The following BCL7C variants were observed in gnomAD, a reference collection of about 807,000 sequenced individuals.
The protein encoded by BCL7C is B-cell CLL/lymphoma 7 protein family member C.
BCL7C carries 8 observed loss-of-function variants against 26.2 expected under a neutral mutation model. That is an observed-to-expected ratio of 0.30 (90% CI 0.18 to 0.55). The LOEUF (loss-of-function observed/expected upper bound fraction) is 0.55. Ranked by LOEUF, BCL7C falls within the 20% of genes least tolerant of loss-of-function variation. The probability of loss-of-function intolerance (pLI) is 0.93; values close to 1 mark genes in which losing one functional copy is unlikely to be tolerated. For missense variants in BCL7C, 262 were observed against 298.5 expected, an observed-to-expected ratio of 0.88 and a Z score of 0.90; for synonymous variants, 90 against 116.5, an observed-to-expected ratio of 0.77 and a Z score of 1.47.
intron 5 of BCL7C, among the ~76,000 whole-genome samples, chr16:30,864,903 C>T (rs1425778751): frequency 7.2e-6 from 1 of 138,664 alleles, no homozygotes; most frequent in African/African-American, 2.7e-5. Context: ...TAAGAAGGTA[C>T]TTTGTCTGTA....
At chr16:30,864,992 C>T (rs1192192397) in intron 5 of BCL7C, among the ~76,000 whole-genome samples, 1 of 151,618 alleles carries the variant, frequency 6.6e-6, no homozygotes, top group East Asian at 1.9e-4. Context: ...CACGGTGAAA[C>T]CCCATCTCTA....
At chr16:30,887,563 G>T (rs1567323151), downstream of BCL7C, among the ~76,000 whole-genome samples, 1 of 151,766 alleles carries the variant, frequency 6.6e-6, no homozygotes, top group African/African-American at 2.4e-5. Context: ...TGAGCAGGAA[G>T]AGGGGTCCTG....
At chr16:30,880,221 C>T (rs2055021805) in intron 5 of BCL7C, among the ~76,000 whole-genome samples, 1 of 151,988 alleles carries the variant, frequency 6.6e-6, no homozygotes, top group Non-Finnish European at 1.5e-5. Flanking sequence ...GCATGGCTCA[C>T]ACCTGTAATC....
chr16:30,856,307 G>A (rs1425096863), intron 5 of BCL7C, among the ~76,000 whole-genome samples: 1 of 151,246 alleles, frequency 6.6e-6, no homozygotes, highest in Non-Finnish European at 1.5e-5. Context: ...TGAGCATGGT[G>A]GCGGGCACCT....
At chr16:30,883,869 T>C (rs965742106), downstream of BCL7C, among the ~76,000 whole-genome samples, 1 of 143,214 alleles carries the variant, frequency 7.0e-6, no homozygotes, top group Non-Finnish European at 1.5e-5. Flanking sequence ...CTCAGGCCTG[T>C]AATCCCAGCA....
rs1308562267 is a variant in BCL7C, at chr16:30,892,613, G to A, written c.415C>T (p.Gln139Ter). The change falls in exon 4 of 6, where the codon CAG (glutamine) becomes TAG (stop). Residue 139 changes from glutamine to a stop codon, truncating the protein, a stop_gained. Coordinates refer to ENST00000215115, the MANE Select transcript of BCL7C (RefSeq NM_004765.4). LOFTEE classifies it high-confidence loss of function. ...CTCTCTTGGCCCAGCCGTGGGGGCT[G>A]AGCCTCCTCAGGGACCCCTTCTGGG... ...GPPEGVPEEAQPPRLGQERDP... is the reference protein window; with the variant it reads ...GPPEGVPEEA 1.3e-6 allele frequency: 2 copies of A among 1,595,570 alleles called. No homozygotes were observed. The highest frequency in any genetic ancestry group is 2.3e-5 in the South Asian group (2 of 88,404).
chr16:30,835,960 G>C (rs1371565860), intron 5 of BCL7C, among the ~76,000 whole-genome samples: 1 of 150,220 alleles, frequency 6.7e-6, no homozygotes, highest in Non-Finnish European at 1.5e-5. Context: ...AGGGGTTCAA[G>C]ACCAGCCTGG....
intron 5 of BCL7C, among the ~76,000 whole-genome samples, chr16:30,858,650 G>T (rs1021589243): frequency 1.3e-5 from 2 of 152,148 alleles, no homozygotes; most frequent in Non-Finnish European, 2.9e-5. Context: ...AGTCATTAAT[G>T]AGACACTCGG....
intron 5 of BCL7C, among the ~76,000 whole-genome samples, chr16:30,871,754 G>C (rs932852769): frequency 6.6e-6 from 1 of 152,108 alleles, no homozygotes; most frequent in Non-Finnish European, 1.5e-5. Flanking sequence ...CAAAGTGCTG[G>C]GATTACAGGT....
At chr16:30,837,628 G>A (rs2054578005) in intron 5 of BCL7C, among the ~76,000 whole-genome samples, 1 of 152,310 alleles carries the variant, frequency 6.6e-6, no homozygotes, top group East Asian at 1.9e-4. Flanking sequence ...GATTACAGGC[G>A]TGAGCCACTG....
chr16:30,844,348 CAAAAAAAAAAAAAAAAA>C (rs55663737), intron 5 of BCL7C, among the ~76,000 whole-genome samples: 1 of 73,404 alleles, frequency 1.4e-5, no homozygotes, highest in Admixed American at 2.1e-4. Context: ...GACTCCGTCT[CAAAAAAAAAAAAAAAAA>C]AAAAAAAAAG....
Position 30,834,867 on chromosome 16 carries a change from G to T in BCL7C, c.*81C>A, listed in dbSNP as rs1419636515. On this transcript the variant is annotated 3_prime_UTR_variant, in exon 6 of 6. Transcript: ENST00000380317. The surrounding 1 kb of genome is among the most constrained non-coding windows in gnomAD (Gnocchi z 4.3). ...GTGGGTGAGCTGGGAAGCTCTTTCC[G>T]CCCTCGGGGCACAGGTAGTGGCTGG... The T allele has an allele frequency of 5.2e-6, 7 of 1,357,906 alleles. No homozygotes were observed. Among genetic ancestry groups the T allele is most frequent in the Non-Finnish European group, 6.9e-6 (7 of 1,020,230 alleles). The allele number at this position is 1,357,906 out of a possible 1,614,324, so 84.1% of individuals were successfully genotyped here.
chr16:30,857,655 T>G (rs1194553951), intron 5 of BCL7C, among the ~76,000 whole-genome samples: 1 of 152,106 alleles, frequency 6.6e-6, no homozygotes, highest in East Asian at 1.9e-4. Flanking sequence ...TTACTAGGAT[T>G]CAGCTGTTTT....
chr16:30,857,581 C>T (rs964990570), intron 5 of BCL7C, among the ~76,000 whole-genome samples: 7 of 152,060 alleles, frequency 4.6e-5, no homozygotes, highest in African/African-American at 1.7e-4. Context: ...ACCAAGATTG[C>T]TGTGGACCAA....
downstream of BCL7C, among the ~76,000 whole-genome samples, chr16:30,887,476 CAAAAAAA>C (rs397854743): frequency 2.6e-5 from 2 of 75,776 alleles, no homozygotes; most frequent in African/African-American, 1.1e-4. Context: ...GTCTGTGTCT[CAAAAAAA>C]AAAAAAAAAA....
intron 5 of BCL7C, among the ~76,000 whole-genome samples, chr16:30,837,823 G>T (rs371374529): frequency 5.1e-4 from 78 of 152,270 alleles, no homozygotes; most frequent in African/African-American, 1.8e-3. Flanking sequence ...GGCTGATCAG[G>T]TGGCCAGTCA....
chr16:30,883,536 C>CTTTTT (rs71149065), downstream of BCL7C, among the ~76,000 whole-genome samples: 6 of 45,460 alleles, frequency 1.3e-4, 1 homozygote, highest in African/African-American at 1.8e-4. Flanking sequence ...GCCAAACTGG[C>CTTTTT]TTTTTTTTTT....
At chr16:30,874,812 G>T (rs1455815669) in intron 5 of BCL7C, among the ~76,000 whole-genome samples, 2 of 152,190 alleles carry the variant, frequency 1.3e-5, no homozygotes, top group Non-Finnish European at 2.9e-5. Flanking sequence ...TGTGACACGG[G>T]AACGGCAGCT....
At chr16:30,852,737 C>G (rs1252633942) in intron 5 of BCL7C, among the ~76,000 whole-genome samples, 1 of 151,878 alleles carries the variant, frequency 6.6e-6, no homozygotes, top group African/African-American at 2.4e-5. Context: ...GGTGATCCAC[C>G]CGCCTTGGCC....
Sources: allele counts gnomAD v4.1 joint callset (sites outside exome capture counted in the v4.1 genomes callset), GRCh38; gene constraint gnomAD v4.1.1; non-coding constraint Gnocchi (gnomAD v3.1); transcripts MANE v1.5; gene names NCBI Gene and HGNC (gene_info 2026-07-23, HGNC 2026-07-21).